The following DMXL1 variants were observed in gnomAD, a reference collection of about 807,000 sequenced individuals.
The protein encoded by DMXL1 is dmX-like protein 1.
Under a neutral mutation model 319.2 loss-of-function variants are expected in DMXL1, and 99 were observed. The ratio of observed to expected loss-of-function variants is 0.31; its 90% CI spans 0.26 to 0.37. The LOEUF is 0.37. DMXL1 is among the 10% of genes least tolerant of loss of function. The pLI is 1.00. For synonymous variants in DMXL1, 1,385 were observed against 1,235.2 expected, an observed-to-expected ratio of 1.12 and a Z score of -2.54; for missense variants, 3,745 against 3,595.6, an observed-to-expected ratio of 1.04 and a Z score of -1.06.
intron 19 of DMXL1, among the ~76,000 whole-genome samples, chr5:119,163,153 T>A (rs988293719): frequency 1.3e-5 from 2 of 152,214 alleles, no homozygotes; most frequent in Non-Finnish European, 2.9e-5. Context: ...ATAATTACTG[T>A]GTGCCAGATT....
rs561327176 is a variant in DMXL1, at chr5:119,071,399, G to C, written c.-171G>C. On this transcript the variant is annotated 5_prime_UTR_variant, in exon 1 of 44. Transcript: ENST00000539542. ...CTCCGGGCCTCGCCCTCCGGGGCTC[G>C]GGATGAGTCGCGGGCCCCAGCTGAG... The C allele has an allele frequency of 6.9e-5, 43 of 622,298 alleles. 2 individuals carry two copies. The highest frequency in any genetic ancestry group is 5.1e-4 in the South Asian group (26 of 50,708). 38.5% of individuals were successfully genotyped at this position (622,298 alleles called of 1,614,324 possible). A position where few individuals can be genotyped will look rare whatever the true frequency, so the allele number is the denominator to read the frequency against.
chr5:119,100,949 T>G, intron 2 of DMXL1, among the ~76,000 whole-genome samples: 1 of 151,860 alleles, frequency 6.6e-6, no homozygotes, highest in East Asian at 1.9e-4. Flanking sequence ...GGCTAATTTT[T>G]TTTTGTATTT....
chr5:119,131,291 A>T (rs1237381579), intron 10 of DMXL1, among the ~76,000 whole-genome samples: 1 of 151,952 alleles, frequency 6.6e-6, no homozygotes, highest in Non-Finnish European at 1.5e-5. Context: ...GGGTGAGGGG[A>T]CTGGGATTTT....
At chr5:119,235,336 C>T (rs1787551497) in intron 39 of DMXL1, among the ~76,000 whole-genome samples, 1 of 151,910 alleles carries the variant, frequency 6.6e-6, no homozygotes, top group Non-Finnish European at 1.5e-5. Flanking sequence ...TAAACAAGGA[C>T]AGTAGGAAAA....
chr5:119,183,615 G>A (rs1449838144), intron 28 of DMXL1, among the ~76,000 whole-genome samples: 1 of 151,998 alleles, frequency 6.6e-6, no homozygotes, highest in East Asian at 1.9e-4. Flanking sequence ...TGGGATTACA[G>A]GCGTGCACCA....
chr5:119,152,631 C>G (rs1053703899), intron 19 of DMXL1, among the ~76,000 whole-genome samples: 1 of 152,118 alleles, frequency 6.6e-6, no homozygotes, highest in Non-Finnish European at 1.5e-5. Context: ...GTAATAGATT[C>G]TTATTAAACG....
At position 119,247,297 on chromosome 5, in the gene DMXL1, A is replaced by C. The variant is rs536040482; in HGVS notation, c.*78A>C. ...ATATAATATACAGTGATCATTCTCT[A>C]TGCCACAAATTAGCTAATGCTTTCT... On this transcript the variant is annotated 3_prime_UTR_variant, in exon 44 of 44. Coordinates refer to ENST00000539542, the MANE Select transcript of DMXL1 (RefSeq NM_001290321.3). 1.0e-6 allele frequency: 1 copy of C among 969,826 alleles called. No homozygotes were observed. The highest frequency in any genetic ancestry group is 1.8e-5 in the South Asian group (1 of 54,396). 60.1% of individuals were successfully genotyped at this position (969,826 alleles called of 1,614,324 possible). A position where few individuals can be genotyped will look rare whatever the true frequency, so the allele number is the denominator to read the frequency against.
chr5:119,171,648 A>C, intron 24 of DMXL1, 130 bp from the exon 25 acceptor site: 2 of 706,288 alleles, frequency 2.8e-6, no homozygotes, highest in South Asian at 6.0e-5. Flanking sequence ...CATCCCTTCT[A>C]ACTCTAAGTT....
At chr5:119,229,772 A>T (rs1786316662) in intron 38 of DMXL1, among the ~76,000 whole-genome samples, 1 of 152,212 alleles carries the variant, frequency 6.6e-6, no homozygotes, top group South Asian at 2.1e-4. Context: ...AAAACTAGGT[A>T]ATAAGCAGTT....
chr5:119,189,551 C>T (rs1778340709), intron 28 of DMXL1, among the ~76,000 whole-genome samples, 157 bp from the exon 29 acceptor site: 1 of 152,142 alleles, frequency 6.6e-6, no homozygotes, highest in South Asian at 2.1e-4. Flanking sequence ...TTTTGTCTTC[C>T]TCTACTTATT....
intron 10 of DMXL1, 25 bp downstream of exon 10, chr5:119,129,448 T>C (rs1764314980): frequency 2.6e-6 from 4 of 1,542,268 alleles, no homozygotes; most frequent in African/African-American, 1.4e-5. Context: ...GAAAGGAAAA[T>C]TTAAAGTTTT....
chr5:119,124,610 A>C (rs990007375), intron 9 of DMXL1, among the ~76,000 whole-genome samples: 1 of 144,666 alleles, frequency 6.9e-6, no homozygotes, highest in African/African-American at 2.6e-5. Context: ...TCTGTCGCCA[A>C]GCTGGAGTGC....
intron 5 of DMXL1, among the ~76,000 whole-genome samples, chr5:119,112,239 G>A (rs141461542): frequency 7.1e-4 from 108 of 152,336 alleles, no homozygotes; most frequent in African/African-American, 2.5e-3. Context: ...GGGATTACAG[G>A]CATGAGCCAC....
chr5:119,195,072 AC>A (rs1286313082), intron 30 of DMXL1, among the ~76,000 whole-genome samples: 6 of 135,494 alleles, frequency 4.4e-5, no homozygotes, highest in African/African-American at 1.5e-4. Flanking sequence ...CAAAAAAAAA[AC>A]AAAAACAAAA....
chr5:119,091,626 T>A (rs1281757070), intron 1 of DMXL1, among the ~76,000 whole-genome samples: 1 of 152,230 alleles, frequency 6.6e-6, no homozygotes, highest in African/African-American at 2.4e-5. Context: ...TCTTCACTGC[T>A]AAGCCACTGC....
At chr5:119,104,445 T>G (rs1757907817) in intron 3 of DMXL1, among the ~76,000 whole-genome samples, 1 of 152,218 alleles carries the variant, frequency 6.6e-6, no homozygotes, top group African/African-American at 2.4e-5. Context: ...AATTTGAATT[T>G]TTAGTAACAT....
intron 1 of DMXL1, among the ~76,000 whole-genome samples, chr5:119,074,757 T>C (rs907875168): frequency 1.3e-5 from 2 of 152,218 alleles, no homozygotes; most frequent in Non-Finnish European, 2.9e-5. Context: ...CATTAACCAG[T>C]CTTGCCTTGT....
chr5:119,155,842 A>C (rs1321790235), intron 19 of DMXL1, among the ~76,000 whole-genome samples: 2 of 151,782 alleles, frequency 1.3e-5, no homozygotes, highest in African/African-American at 4.8e-5. Flanking sequence ...AAAAAAAAAA[A>C]AACAAAACTT....
chr5:119,119,534 A>ATT (rs1421977217), intron 8 of DMXL1, among the ~76,000 whole-genome samples: 45 of 142,502 alleles, frequency 3.2e-4, no homozygotes, highest in East Asian at 4.0e-4. Context: ...GATTCTTCCA[A>ATT]TTTTTTTTTT....
Sources: allele counts gnomAD v4.1 joint callset (sites outside exome capture counted in the v4.1 genomes callset), GRCh38; gene constraint gnomAD v4.1.1; transcripts MANE v1.5; gene names NCBI Gene and HGNC (gene_info 2026-07-23, HGNC 2026-07-21).